The following DPY19L1 variants were observed in gnomAD, a reference collection of about 807,000 sequenced individuals.
DPY19L1 encodes the protein dpy-19 like C-mannosyltransferase 1, also known as protein C-mannosyl-transferase DPY19L1.
In DPY19L1, 35 loss-of-function variants were observed where a neutral mutation model predicts 96.9. The ratio of observed to expected loss-of-function variants is 0.36; its 90% CI spans 0.28 to 0.48. The LOEUF is 0.48. Among genes scored for constraint, DPY19L1 ranks in the 20% least tolerant of loss-of-function variants. DPY19L1 has a pLI of 0.99. For synonymous variants in DPY19L1, 205 were observed against 252.6 expected (o/e 0.81, Z 1.79); for missense variants, 521 against 777.9 (o/e 0.67, Z 3.93).
At chr7:35,025,205 C>T (rs1331980843) in intron 1 of DPY19L1, among the ~76,000 whole-genome samples, 4 of 152,154 alleles carry the variant, frequency 2.6e-5, no homozygotes, top group Non-Finnish European at 5.9e-5. Flanking sequence ...TCTTCCTCCT[C>T]CTAGTGCCTA....
At chr7:34,989,423 TGGGC>T (rs1008005566) in intron 7 of DPY19L1, among the ~76,000 whole-genome samples, 6 of 152,122 alleles carry the variant, frequency 3.9e-5, no homozygotes, top group African/African-American at 1.4e-4. Flanking sequence ...AAGACCAGCC[TGGGC>T]AACATAGAAA....
chr7:34,974,407 T>C (rs1463247775), intron 7 of DPY19L1, among the ~76,000 whole-genome samples: 1 of 152,184 alleles, frequency 6.6e-6, no homozygotes, highest in Non-Finnish European at 1.5e-5. Flanking sequence ...ACAAAGACCA[T>C]GTCAGAAATA....
In DPY19L1 at chr7:35,022,033, C is replaced by T. The variant is rs1482731629; in HGVS notation, c.299-3437G>A. On this transcript the variant is annotated intron_variant, in intron 1 of 21. Coordinates refer to ENST00000638088, the MANE Select transcript of DPY19L1 (RefSeq NM_001366673.1). The stretch of plus-strand genomic sequence containing the variant: ...TGAGCATATAATTTAAGAATAAAAA[C>T]GGAAAATGACAAAAACTTCTGAAGG... Among the ~76,000 whole-genome samples the T allele has an allele frequency of 3.9e-5, 6 of 152,116 alleles. No individual in the cohort carries two copies. The South Asian group carries it at 8.3e-4, about 21-fold the overall frequency.
At chr7:35,014,686 G>A (rs1005205864) in intron 3 of DPY19L1, among the ~76,000 whole-genome samples, 8 of 152,136 alleles carry the variant, frequency 5.3e-5, no homozygotes, top group Non-Finnish European at 1.2e-4. Flanking sequence ...GTTTCCTTGT[G>A]TACTGATTTG....
intron 10 of DPY19L1, among the ~76,000 whole-genome samples, chr7:34,959,914 TA>T (rs1784460725): frequency 8.5e-4 from 9 of 10,616 alleles, no homozygotes; most frequent in African/African-American, 6.7e-3. Context: ...TATATATATA[TA>T]TATATATATT....
intron 1 of DPY19L1, among the ~76,000 whole-genome samples, chr7:35,032,958 C>T (rs1786296482): frequency 6.6e-6 from 1 of 152,198 alleles, no homozygotes; most frequent in Admixed American, 6.5e-5. Context: ...TGAACAGCCT[C>T]CTCATGGGTC....
intron 7 of DPY19L1, among the ~76,000 whole-genome samples, chr7:34,986,678 G>T (rs1285040920): frequency 6.6e-6 from 1 of 151,922 alleles, no homozygotes; most frequent in Non-Finnish European, 1.5e-5. Context: ...TTATAGTTTA[G>T]TCTCAGTTCA....
At chr7:34,956,567 C>T (rs1309582625) in intron 11 of DPY19L1, among the ~76,000 whole-genome samples, 4 of 149,450 alleles carry the variant, frequency 2.7e-5, no homozygotes, top group Admixed American at 1.3e-4. Flanking sequence ...AGTGTAGTGG[C>T]GCGATCTCAG....
intron 3 of DPY19L1, among the ~76,000 whole-genome samples, chr7:35,017,350 C>A (rs1785876645): frequency 6.6e-6 from 1 of 151,360 alleles, no homozygotes; most frequent in Admixed American, 6.6e-5. Context: ...AAAAAATTAG[C>A]CGGGCGCGGT....
intron 10 of DPY19L1, 147 bp downstream of exon 10, chr7:34,966,747 G>A: frequency 2.7e-6 from 2 of 747,298 alleles, no homozygotes; most frequent in East Asian, 4.0e-5. Flanking sequence ...CTATCAAAAT[G>A]AGGTCTGTTG....
At chr7:35,026,515 T>A (rs758094495) in intron 1 of DPY19L1, among the ~76,000 whole-genome samples, 4 of 152,138 alleles carry the variant, frequency 2.6e-5, no homozygotes, top group Non-Finnish European at 5.9e-5. Flanking sequence ...AGATCCTGAT[T>A]CAATAGATCT....
At chr7:34,960,057 A>G (rs1185192480) in intron 10 of DPY19L1, among the ~76,000 whole-genome samples, 1 of 150,454 alleles carries the variant, frequency 6.6e-6, no homozygotes, top group Non-Finnish European at 1.5e-5. Flanking sequence ...TCTTTATGTT[A>G]GCAAATTTAT....
chr7:34,953,522 C>A (rs1784312085), intron 13 of DPY19L1, among the ~76,000 whole-genome samples: 1 of 152,164 alleles, frequency 6.6e-6, no homozygotes, highest in Non-Finnish European at 1.5e-5. Context: ...CTTCCAGGAT[C>A]CTTCCCTGAT....
In DPY19L1 at chr7:34,958,015, G is replaced by C. The variant is rs780487160; in HGVS notation, c.1148C>G (p.Ser383Cys). ...AATTACCAAAGAAGAAGCATAATAAGAAGTTAATAACATTGAGTTCCCAAA... is the reference window on the plus strand; with the variant it reads ...AATTACCAAAGAAGAAGCATAATAACAAGTTAATAACATTGAGTTCCCAAA... ...LMFGNSMLLT[S>C]YYASSLVIIW... is the part of the protein sequence containing the mutation. The change falls in exon 11 of 22, where the codon TCT becomes TGT. Residue 383 changes from serine to cysteine, a missense_variant. Physicochemically the swap from Ser to Cys is moderately radical, Grantham distance 112. Coordinates refer to ENST00000638088, the MANE Select transcript of DPY19L1 (RefSeq NM_001366673.1). 1 of 1,585,428 alleles carries C rather than the reference G, an allele frequency of 6.3e-7. No individual in the cohort carries two copies. The highest frequency in any genetic ancestry group is 8.5e-7 in the Non-Finnish European group (1 of 1,170,892).
intron 6 of DPY19L1, among the ~76,000 whole-genome samples, chr7:34,995,654 T>G (rs1253363005): frequency 6.6e-6 from 1 of 152,152 alleles, no homozygotes; most frequent in African/African-American, 2.4e-5. Context: ...ACAAAAATGA[T>G]GAACCATCCA....
intron 4 of DPY19L1, among the ~76,000 whole-genome samples, chr7:35,011,704 C>T (rs752738838): frequency 6.6e-6 from 1 of 152,128 alleles, no homozygotes; most frequent in African/African-American, 2.4e-5. Context: ...TTTTCAAAAG[C>T]TCTACAACTC....
At position 35,011,429 on chromosome 7, in the gene DPY19L1, G is replaced by C. The variant is rs181181617; in HGVS notation, c.571C>G (p.Arg191Gly). 4 of 1,604,396 alleles carry C rather than the reference G, an allele frequency of 2.5e-6. No homozygotes were observed. The highest frequency in any genetic ancestry group is 1.3e-5 in the African/African-American group (1 of 74,236). Residue 191 changes from arginine (R) to glycine (G), a missense_variant, in exon 5 of 22, where the codon CGG (arginine) becomes GGG (glycine). Arg to Gly is a moderately radical substitution (Grantham distance 125). Transcript: ENST00000638088. Reference protein sequence around the residue: ...YPEVILASWYRIYTKIMDLIG... With the variant: ...YPEVILASWYGIYTKIMDLIG... ...AAGTCCATTATTTTGGTATAAATCC[G>C]GTACCAACTGGCCAAAATTACCTAT...
intron 20 of DPY19L1, 89 bp from the exon 21 acceptor site, chr7:34,938,208 G>A: frequency 1.4e-6 from 2 of 1,379,900 alleles, no homozygotes; most frequent in African/African-American, 1.4e-5. Flanking sequence ...TAGACTAGAA[G>A]ACGATGAAGA....
rs141359225 is a variant in DPY19L1 at position 35,003,592 on chromosome 7, A to G, written c.764+6876T>C. Among the ~76,000 whole-genome samples, 399 of 152,258 alleles carry G rather than the reference A, an allele frequency of 2.6e-3. 1 individual carries two copies. Among genetic ancestry groups the G allele is most frequent in the African/African-American group, 9.2e-3 (381 of 41,570 alleles). ...AGAGGGAACAGCTCTTCCCCTCATG[A>G]TATTTCTGCTGGATATTCAGTACCT... is the stretch of plus-strand genomic sequence containing the variant. On this transcript the variant is annotated intron_variant, in intron 6 of 21. Coordinates refer to ENST00000638088, the MANE Select transcript of DPY19L1 (RefSeq NM_001366673.1).
Sources: allele counts gnomAD v4.1 joint callset (sites outside exome capture counted in the v4.1 genomes callset), GRCh38; gene constraint gnomAD v4.1.1; transcripts MANE v1.5; gene names NCBI Gene and HGNC (gene_info 2026-07-23, HGNC 2026-07-21).